Variants in KDM4C observed in about 807,000 individuals in gnomAD.
The protein encoded by KDM4C is lysine-specific demethylase 4C.
In KDM4C, 81 loss-of-function variants were observed where a neutral mutation model predicts 129.3. The ratio of observed to expected loss-of-function variants is 0.63; its 90% CI spans 0.52 to 0.75. The LOEUF is 0.75. Ranked by LOEUF, KDM4C falls within the 30% of genes least tolerant of loss-of-function variation. The pLI, the probability that KDM4C is intolerant of heterozygous loss-of-function variation, is 0.00. For synonymous variants in KDM4C, 573 were observed against 456.1 expected, an observed-to-expected ratio of 1.26 and a Z score of -3.26; for missense variants, 1,457 against 1,304.0, an observed-to-expected ratio of 1.12 and a Z score of -1.81.
chr9:6,822,017 C>T (rs1299156188), intron 4 of KDM4C, among the ~76,000 whole-genome samples: 1 of 152,108 alleles, frequency 6.6e-6, no homozygotes, highest in Non-Finnish European at 1.5e-5. Context: ...TGGACAGTAA[C>T]CTATGGCAAC....
intron 1 of KDM4C, among the ~76,000 whole-genome samples, chr9:6,745,992 G>C (rs1817858924): frequency 6.6e-6 from 1 of 152,006 alleles, no homozygotes; most frequent in Non-Finnish European, 1.5e-5. Flanking sequence ...TTTTAGTACA[G>C]ACGGGGTTTC....
chr9:6,880,117 A>G (rs377315188), intron 6 of KDM4C, 56 bp downstream of exon 6: 35 of 1,175,536 alleles, frequency 3.0e-5, no homozygotes, highest in Non-Finnish European at 3.9e-5. Flanking sequence ...TGTGTTTTGT[A>G]GGTTCTTTGT....
intron 5 of KDM4C, among the ~76,000 whole-genome samples, chr9:6,856,584 T>TATGTATG (rs1564171899): frequency 8.7e-5 from 9 of 103,476 alleles, no homozygotes; most frequent in African/African-American, 3.0e-4. Context: ...GTGTGTGTAT[T>TATGTATG]TTTTTTTGAG....
At chr9:7,029,001 C>G (rs771207385) in intron 15 of KDM4C, among the ~76,000 whole-genome samples, 14 of 152,154 alleles carry the variant, frequency 9.2e-5, no homozygotes, top group Non-Finnish European at 1.5e-4. Context: ...AAACCAGGTA[C>G]TGTGGGTGCT....
At chr9:6,807,018 T>C (rs1274985269) in intron 3 of KDM4C, among the ~76,000 whole-genome samples, 5 of 152,144 alleles carry the variant, frequency 3.3e-5, no homozygotes, top group South Asian at 2.1e-4. Context: ...CCTGCCTCAG[T>C]CTGCCGAATG....
chr9:7,173,978 A>G (rs548528034), intron 21 of KDM4C, among the ~76,000 whole-genome samples: 20 of 152,312 alleles, frequency 1.3e-4, no homozygotes, highest in African/African-American at 4.6e-4. Context: ...AGTTGAGCAG[A>G]TAGTTAAGAA....
chr9:6,739,205 T>C (rs890545675), intron 1 of KDM4C, among the ~76,000 whole-genome samples: 9 of 152,162 alleles, frequency 5.9e-5, no homozygotes, highest in African/African-American at 2.2e-4. Flanking sequence ...CCCGAGTAGC[T>C]GGGATTACAG....
intron 8 of KDM4C, among the ~76,000 whole-genome samples, chr9:6,910,617 G>T (rs950616110): frequency 6.6e-6 from 1 of 152,204 alleles, no homozygotes; most frequent in African/African-American, 2.4e-5. Flanking sequence ...GAAATACTCA[G>T]TGCAGTTTTA....
intron 5 of KDM4C, among the ~76,000 whole-genome samples, chr9:6,864,991 C>G (rs1310047857): frequency 7.1e-6 from 1 of 141,264 alleles, no homozygotes; most frequent in African/African-American, 2.6e-5. Context: ...ATTTCAATCT[C>G]TTTGTTAAAT....
intron 2 of KDM4C, among the ~76,000 whole-genome samples, chr9:6,805,088 G>T (rs1390569887): frequency 1.3e-5 from 2 of 151,936 alleles, no homozygotes; most frequent in East Asian, 1.9e-4. Context: ...TTTAGTAGAG[G>T]CGGGGTTTCA....
At chr9:7,043,919 A>G (rs1288694660) in intron 15 of KDM4C, among the ~76,000 whole-genome samples, 1 of 151,954 alleles carries the variant, frequency 6.6e-6, no homozygotes, top group Non-Finnish European at 1.5e-5. Context: ...AATTTTCAAG[A>G]TTTTCACTCT....
At chr9:7,045,974 C>T (rs1326045309) in intron 15 of KDM4C, among the ~76,000 whole-genome samples, 5 of 152,020 alleles carry the variant, frequency 3.3e-5, no homozygotes, top group East Asian at 3.9e-4. Flanking sequence ...AAAGAGGTTT[C>T]GTATATAAAC....
intron 4 of KDM4C, among the ~76,000 whole-genome samples, chr9:6,845,212 CATTGATTG>C (rs1160780506): frequency 6.6e-6 from 1 of 151,982 alleles, no homozygotes; most frequent in Non-Finnish European, 1.5e-5. Context: ...TTTAGGAATG[CATTGATTG>C]ATTGACTGAT....
chr9:6,960,853 A>G (rs181589588), intron 8 of KDM4C, among the ~76,000 whole-genome samples: 94 of 81,058 alleles, frequency 1.2e-3, no homozygotes, highest in Non-Finnish European at 7.7e-4. Context: ...AATATCCCCT[A>G]GGAAGCAAAA....
chr9:6,836,925 A>T (rs1564126985), intron 4 of KDM4C, among the ~76,000 whole-genome samples: 1 of 152,212 alleles, frequency 6.6e-6, no homozygotes, highest in Non-Finnish European at 1.5e-5. Context: ...TACCTGATGT[A>T]CATGTGTAAA....
intron 8 of KDM4C, among the ~76,000 whole-genome samples, chr9:6,939,485 C>A (rs1589215471): frequency 6.6e-6 from 1 of 152,224 alleles, no homozygotes; most frequent in South Asian, 2.1e-4. Flanking sequence ...ATGTAACATG[C>A]TTAAATCATC....
chr9:6,811,615 A>T (rs1588442174), intron 3 of KDM4C, among the ~76,000 whole-genome samples: 1 of 152,234 alleles, frequency 6.6e-6, no homozygotes, highest in Admixed American at 6.5e-5. Flanking sequence ...TATGAATCAC[A>T]TTACTGATGT....
At chr9:7,062,062 G>C (rs1831764151) in intron 17 of KDM4C, among the ~76,000 whole-genome samples, 1 of 152,034 alleles carries the variant, frequency 6.6e-6, no homozygotes, top group Non-Finnish European at 1.5e-5. Flanking sequence ...CCGCCTCCCA[G>C]GTTCACGCCA....
intron 12 of KDM4C, among the ~76,000 whole-genome samples, chr9:7,009,703 C>A (rs1303866237): frequency 2.0e-5 from 3 of 152,156 alleles, no homozygotes; most frequent in Non-Finnish European, 4.4e-5. Flanking sequence ...GTAGTTTTGA[C>A]TATGTAGATG....
Sources: allele counts gnomAD v4.1 joint callset (sites outside exome capture counted in the v4.1 genomes callset), GRCh38; gene constraint gnomAD v4.1.1; transcripts MANE v1.5; gene names NCBI Gene and HGNC (gene_info 2026-07-23, HGNC 2026-07-21).